Variants in ONECUT2 observed in about 807,000 individuals in gnomAD.
The protein encoded by ONECUT2 is one cut homeobox 2, also known as one cut domain family member 2.
Under a neutral mutation model 27.9 loss-of-function variants are expected in ONECUT2, and 10 were observed. That is an observed-to-expected ratio of 0.36 (90% CI 0.22 to 0.61). ONECUT2 has a LOEUF of 0.61. ONECUT2 is among the 20% of genes least tolerant of loss of function. The probability of loss-of-function intolerance (pLI) is 0.73; values close to 1 mark genes in which losing one functional copy is unlikely to be tolerated. For missense variants in ONECUT2, 686 were observed against 721.0 expected, an observed-to-expected ratio of 0.95 and a Z score of 0.56; for synonymous variants, 334 against 315.1, an observed-to-expected ratio of 1.06 and a Z score of -0.64.
chr18:57,454,685 A>T (rs1160891082), intron 1 of ONECUT2, among the ~76,000 whole-genome samples: 1 of 152,084 alleles, frequency 6.6e-6, no homozygotes, highest in African/African-American at 2.4e-5. Context: ...TTCTCAGATG[A>T]GATTTAGGAT....
In ONECUT2 at chr18:57,436,092, C is replaced by T; in HGVS notation, c.376C>T (p.Pro126Ser). Residue 126 changes from proline (P) to serine (S), a missense_variant, in exon 1 of 2, where the codon CCG becomes TCG. By Grantham distance (74) the Pro-to-Ser change is moderately conservative. Transcript: ENST00000491143. The surrounding 1 kb of genome is among the most constrained non-coding windows in gnomAD (Gnocchi z 5.9). Reference sequence around the variant, plus strand: ...CGACTACCGGCCCGAGCTCTCCATCCCGCTGCACCACGCCATGAGCATGTC... The same window carrying T: ...CGACTACCGGCCCGAGCTCTCCATCTCGCTGCACCACGCCATGAGCATGTC... ...GGDYRPELSI[P>S]LHHAMSMSCD... 11 of 1,599,786 alleles carry T rather than the reference C, an allele frequency of 6.9e-6. No individual in the cohort carries two copies. Among genetic ancestry groups the T allele is most frequent in the African/African-American group, 1.3e-5 (1 of 75,054 alleles).
intron 1 of ONECUT2, chr18:57,467,222 T>C (rs1568123518): frequency 4.4e-6 from 2 of 456,110 alleles, no homozygotes. Flanking sequence ...CAGCCGACAG[T>C]AAGTGGACAC....
intron 1 of ONECUT2, among the ~76,000 whole-genome samples, chr18:57,465,910 A>G (rs545017069): frequency 2.6e-5 from 4 of 152,272 alleles, no homozygotes; most frequent in African/African-American, 9.6e-5. Flanking sequence ...ATGTGCACTC[A>G]TCTCCTGCAT....
rs973031471 is a variant in ONECUT2 at position 57,479,739 on chromosome 18, G to A, written c.*3016G>A. On this transcript the variant is annotated 3_prime_UTR_variant, in exon 2 of 2. Transcript: ENST00000491143. ...CCTGACAGTGGGGTGCTCATCTTCT[G>A]TAACTGTTGGGAAGGCTCGGTGGTC... The A allele has an allele frequency of 2.0e-5, 3 of 152,546 alleles. No individual in the cohort carries two copies. Among genetic ancestry groups the A allele is most frequent in the Admixed American group, 2.0e-4 (3 of 15,274 alleles). The allele number at this position is 152,546 out of a possible 1,614,324, so 9.4% of individuals were successfully genotyped here. A position where few individuals can be genotyped will look rare whatever the true frequency, so the allele number is the denominator to read the frequency against.
At chr18:57,442,207 A>ACC (rs2050178881) in intron 1 of ONECUT2, among the ~76,000 whole-genome samples, 1 of 150,820 alleles carries the variant, frequency 6.6e-6, no homozygotes, top group South Asian at 2.1e-4. Flanking sequence ...AAGATCAGGG[A>ACC]CCTAAGTGGG....
chr18:57,468,284 C>T (rs2050335019), intron 1 of ONECUT2, among the ~76,000 whole-genome samples: 1 of 152,192 alleles, frequency 6.6e-6, no homozygotes, highest in African/African-American at 2.4e-5. Context: ...AAAGCCAGCT[C>T]TCAACCTTGA....
intron 1 of ONECUT2, among the ~76,000 whole-genome samples, chr18:57,467,846 A>G (rs2050332428): frequency 1.3e-5 from 2 of 152,082 alleles, no homozygotes; most frequent in African/African-American, 2.4e-5. Context: ...CCCACCCTCC[A>G]GCATCTCCAG....
chr18:57,440,331 A>T (rs1196813046), intron 1 of ONECUT2, among the ~76,000 whole-genome samples: 1 of 152,220 alleles, frequency 6.6e-6, no homozygotes, highest in Non-Finnish European at 1.5e-5. Flanking sequence ...GAGAGAACCC[A>T]GGCTAGAACT....
rs1190150299 is a variant in ONECUT2 at position 57,486,138 on chromosome 18, C to T, written c.*9415C>T. ...CAGAAAACATCCCCACTTGGCAGACCTCTCCTCAGCAATCCCCCCAGCCTC... is the reference window on the plus strand; with the variant it reads ...CAGAAAACATCCCCACTTGGCAGACTTCTCCTCAGCAATCCCCCCAGCCTC... On this transcript the variant is annotated 3_prime_UTR_variant, in exon 2 of 2. Coordinates refer to ENST00000491143, the MANE Select transcript of ONECUT2 (RefSeq NM_004852.3). 1 of 152,766 alleles carries T rather than the reference C, an allele frequency of 6.5e-6. No individual in the cohort carries two copies. The allele number at this position is 152,766 out of a possible 1,614,324, so 9.5% of individuals were successfully genotyped here.
In ONECUT2 at chr18:57,485,994, A is replaced by G. The variant is rs1442099500; in HGVS notation, c.*9271A>G. The G allele has an allele frequency of 6.6e-6, 1 of 152,624 alleles. No homozygotes were observed. The highest frequency in any genetic ancestry group is 1.9e-4 in the East Asian group (1 of 5,198). 9.5% of individuals were successfully genotyped at this position (152,624 alleles called of 1,614,324 possible). Reference sequence around the variant, plus strand: ...CTCAGAATCCCTGGGAGACAGAGCAAAGATGACTTAATTCATTGAGCAGCA... The same window carrying G: ...CTCAGAATCCCTGGGAGACAGAGCAGAGATGACTTAATTCATTGAGCAGCA... On this transcript the variant is annotated 3_prime_UTR_variant, in exon 2 of 2. Transcript: ENST00000491143.
At chr18:57,456,992 T>A (rs753180870) in intron 1 of ONECUT2, among the ~76,000 whole-genome samples, 5 of 151,910 alleles carry the variant, frequency 3.3e-5, no homozygotes, top group Admixed American at 6.6e-5. Flanking sequence ...TATCACCAGG[T>A]TGGTGAGGGA....
At chr18:57,471,857 A>G (rs1384771300) in intron 1 of ONECUT2, among the ~76,000 whole-genome samples, 2 of 152,184 alleles carry the variant, frequency 1.3e-5, no homozygotes, top group African/African-American at 4.8e-5. Flanking sequence ...ATGTGGTCCT[A>G]CATAGGACCT....
rs1300330326 is a variant in ONECUT2 at position 57,476,740 on chromosome 18, T to A, written c.*17T>A. On this transcript the variant is annotated 3_prime_UTR_variant, in exon 2 of 2. Transcript: ENST00000491143. ...AAAGCATGATGGAAGGACTCTCACT[T>A]GGGCACAAGTCACCTCCAAATGAGG... 6.2e-7 allele frequency: 1 copy of A among 1,611,878 alleles called. No homozygotes were observed. The highest frequency in any genetic ancestry group is 1.1e-5 in the South Asian group (1 of 90,896).
At chr18:57,439,841 T>G (rs1568117685) in intron 1 of ONECUT2, among the ~76,000 whole-genome samples, 1 of 152,162 alleles carries the variant, frequency 6.6e-6, no homozygotes, top group African/African-American at 2.4e-5. Flanking sequence ...GGTTATAGGT[T>G]CCCTTTCTCT....
rs181886706 is a variant in ONECUT2, at chr18:57,489,000, T to C, written c.*12277T>C. 20 of 152,346 alleles carry C rather than the reference T, an allele frequency of 1.3e-4. No homozygotes were observed. Among genetic ancestry groups the C allele is most frequent in the Admixed American group, 1.1e-3 (17 of 15,288 alleles). 9.4% of individuals were successfully genotyped at this position (152,346 alleles called of 1,614,324 possible). A position where few individuals can be genotyped will look rare whatever the true frequency, so the allele number is the denominator to read the frequency against. The stretch of plus-strand genomic sequence containing the variant: ...TACATGAAAGGCAAGAAAAAGAAAA[T>C]AGTAACCTTGAATCTTCTGTGGGCC... On this transcript the variant is annotated 3_prime_UTR_variant, in exon 2 of 2. Transcript: ENST00000491143.
intron 1 of ONECUT2, among the ~76,000 whole-genome samples, chr18:57,470,872 C>T (rs1047800316): frequency 6.6e-5 from 10 of 152,168 alleles, no homozygotes; most frequent in African/African-American, 2.4e-4. Flanking sequence ...CTTCCCCTCC[C>T]CACCAGCACA....
rs1033329982 is a variant in ONECUT2 at position 57,479,904 on chromosome 18, T to C, written c.*3181T>C. On this transcript the variant is annotated 3_prime_UTR_variant, in exon 2 of 2. Transcript: ENST00000491143. ...TCTCACAGGGGAAGCCCAACTCCTG[T>C]TGCAATGGGTTGATAGATTTCCTCA... 8 of 152,220 alleles carry C rather than the reference T, an allele frequency of 5.3e-5. No homozygotes were observed. Among genetic ancestry groups the C allele is most frequent in the African/African-American group, 1.7e-4 (7 of 41,442 alleles). 9.4% of individuals were successfully genotyped at this position (152,220 alleles called of 1,614,324 possible).
Position 57,476,495 on chromosome 18 carries a change from C to T in ONECUT2, c.1287C>T (p.Ser429=), listed in dbSNP as rs1598945140. 1 of 1,614,216 alleles carries T rather than the reference C, an allele frequency of 6.2e-7. No homozygotes were observed. The highest frequency in any genetic ancestry group is 2.2e-5 in the East Asian group (1 of 44,878). ...ACAGGAACAATTCCCAGAAGAAGTC[C>T]CGCCTGGTGTTCACTGACCTCCAAC... ...NKDRNNSQKK[S]RLVFTDLQRR... is the part of the protein sequence containing the mutation. Residue 429 remains serine (S), a synonymous_variant, in exon 2 of 2, where the codon TCC becomes TCT. Coordinates refer to ENST00000491143, the MANE Select transcript of ONECUT2 (RefSeq NM_004852.3).
At chr18:57,474,054 T>C (rs1480405571) in intron 1 of ONECUT2, among the ~76,000 whole-genome samples, 3 of 152,126 alleles carry the variant, frequency 2.0e-5, no homozygotes, top group Non-Finnish European at 4.4e-5. Context: ...TGAAAACAAA[T>C]TGTTTTTATG....
Sources: allele counts gnomAD v4.1 joint callset (sites outside exome capture counted in the v4.1 genomes callset), GRCh38; gene constraint gnomAD v4.1.1; non-coding constraint Gnocchi (gnomAD v3.1); transcripts MANE v1.5; gene names NCBI Gene and HGNC (gene_info 2026-07-23, HGNC 2026-07-21).